The following UBXN7 variants were observed in gnomAD, a reference collection of about 807,000 sequenced individuals.
UBXN7 encodes UBX domain-containing protein 7.
UBXN7 carries 9 observed loss-of-function variants against 58.0 expected under a neutral mutation model. The ratio of observed to expected loss-of-function variants is 0.16; its 90% CI spans 0.09 to 0.27. The LOEUF is 0.27. UBXN7 is among the 10% of genes least tolerant of loss of function. The probability of loss-of-function intolerance (pLI) is 1.00; values close to 1 mark genes in which losing one functional copy is unlikely to be tolerated. For synonymous variants in UBXN7, 208 were observed against 205.0 expected, an observed-to-expected ratio of 1.01 and a Z score of -0.12; for missense variants, 328 against 599.6, an observed-to-expected ratio of 0.55 and a Z score of 4.73.
chr3:196,385,047 T>C (rs540460035), intron 5 of UBXN7, among the ~76,000 whole-genome samples: 104 of 152,354 alleles, frequency 6.8e-4, no homozygotes, highest in Middle Eastern at 3.4e-3. Flanking sequence ...CTCCCTCTGA[T>C]GCTGAGCCGA....
intron 5 of UBXN7, among the ~76,000 whole-genome samples, chr3:196,374,456 A>G (rs1728931273): frequency 6.6e-6 from 1 of 152,176 alleles, no homozygotes; most frequent in Non-Finnish European, 1.5e-5. Context: ...GGAGAAACCT[A>G]ATACTAGCAA....
intron 1 of UBXN7, among the ~76,000 whole-genome samples, chr3:196,407,927 G>A (rs920092783): frequency 4.0e-5 from 6 of 151,640 alleles, no homozygotes; most frequent in African/African-American, 7.3e-5. Context: ...GTGAAATGCC[G>A]TCTCTACTAA....
intron 3 of UBXN7, chr3:196,400,714 TG>T: frequency 2.7e-6 from 1 of 374,510 alleles, no homozygotes; most frequent in African/African-American, 2.2e-5. Context: ...CACTCCAGCC[TG>T]GGCAACAGAC....
chr3:196,419,496 A>AAT (rs1730614535), intron 1 of UBXN7, among the ~76,000 whole-genome samples: 1 of 152,162 alleles, frequency 6.6e-6, no homozygotes, highest in African/African-American at 2.4e-5. Flanking sequence ...AGCAAAGTAT[A>AAT]CCATCCACTT....
rs553097769 is a variant in UBXN7, at chr3:196,365,155, G to C, written c.835-2468C>G. 4.0e-5 allele frequency among the ~76,000 whole-genome samples: 6 copies of C among 150,408 alleles called. No individual in the cohort carries two copies. The South Asian group carries it at 1.1e-3, about 26-fold the overall frequency. Reference sequence around the variant, plus strand: ...TCTCTTGTAGCTAGAAAATAGTATTGAGCAATAGCAATTCTTATCGAAAAA... The same window carrying C: ...TCTCTTGTAGCTAGAAAATAGTATTCAGCAATAGCAATTCTTATCGAAAAA... On this transcript the variant is annotated intron_variant, in intron 8 of 10. Transcript: ENST00000296328.
intron 1 of UBXN7, among the ~76,000 whole-genome samples, chr3:196,416,931 G>C (rs1225750841): frequency 2.0e-5 from 3 of 152,144 alleles, no homozygotes. Context: ...TTTGGGGAGA[G>C]GTAAGAAAGG....
At chr3:196,358,956 T>C (rs999743230) in intron 10 of UBXN7, among the ~76,000 whole-genome samples, 3 of 152,018 alleles carry the variant, frequency 2.0e-5, no homozygotes, top group African/African-American at 7.2e-5. Context: ...CCACTGCACC[T>C]GGCCTCCCAC....
At chr3:196,392,014 T>C (rs1227017436) in intron 4 of UBXN7, 89 bp from the exon 5 acceptor site, 3 of 758,150 alleles carry the variant, frequency 4.0e-6, no homozygotes, top group African/African-American at 3.7e-5. Context: ...CTTCTGTCAA[T>C]TGAAGGAATT....
At chr3:196,421,547 G>A (rs1216236529) in intron 1 of UBXN7, among the ~76,000 whole-genome samples, 1 of 151,676 alleles carries the variant, frequency 6.6e-6, no homozygotes. Flanking sequence ...TGAGGCAGGT[G>A]GATTACAAGG....
intron 1 of UBXN7, among the ~76,000 whole-genome samples, chr3:196,418,313 G>A (rs1021258976): frequency 6.6e-6 from 1 of 151,840 alleles, no homozygotes; most frequent in Admixed American, 6.6e-5. Context: ...ACGGAATGAC[G>A]GACAGATAGT....
intron 3 of UBXN7, among the ~76,000 whole-genome samples, chr3:196,393,971 T>C (rs570822322): frequency 4.6e-5 from 7 of 152,298 alleles, no homozygotes; most frequent in African/African-American, 1.4e-4. Flanking sequence ...CCAGTTACAA[T>C]AGACTTAATC....
chr3:196,413,861 T>C (rs1577473245), intron 1 of UBXN7, among the ~76,000 whole-genome samples: 1 of 152,162 alleles, frequency 6.6e-6, no homozygotes, highest in East Asian at 1.9e-4. Context: ...ATACTTTAAA[T>C]CATCTCTAGA....
chr3:196,375,040 A>AAGGAAGGAAGGAAGTAAGGG (rs1356697769), intron 5 of UBXN7, among the ~76,000 whole-genome samples: 1 of 135,298 alleles, frequency 7.4e-6, no homozygotes, highest in Non-Finnish European at 1.6e-5. Flanking sequence ...GGAAGGAAGG[A>AAGGAAGGAAGGAAGTAAGGG]AGGGAAAGGA....
At chr3:196,371,179 A>G (rs1577439084) in intron 6 of UBXN7, among the ~76,000 whole-genome samples, 1 of 152,298 alleles carries the variant, frequency 6.6e-6, no homozygotes, top group East Asian at 1.9e-4. Flanking sequence ...GATCTTCTAT[A>G]CCTGCACTGT....
intron 8 of UBXN7, among the ~76,000 whole-genome samples, chr3:196,363,205 T>C (rs976014110): frequency 9.5e-5 from 3 of 31,524 alleles, no homozygotes; most frequent in South Asian, 8.9e-4. Context: ...ACCTGGCACA[T>C]ACATACATAC....
At chr3:196,411,529 T>C (rs936177694) in intron 1 of UBXN7, among the ~76,000 whole-genome samples, 1 of 152,166 alleles carries the variant, frequency 6.6e-6, no homozygotes, top group African/African-American at 2.4e-5. Flanking sequence ...AACTAGCAGA[T>C]GGCCGAGCAC....
At chr3:196,377,637 C>T (rs952575394) in intron 5 of UBXN7, among the ~76,000 whole-genome samples, 2 of 151,886 alleles carry the variant, frequency 1.3e-5, no homozygotes, top group Admixed American at 1.3e-4. Flanking sequence ...AATACAGCCC[C>T]CCTCTCTCCT....
intron 5 of UBXN7, among the ~76,000 whole-genome samples, chr3:196,390,113 G>A (rs1036219828): frequency 6.6e-6 from 1 of 151,940 alleles, no homozygotes; most frequent in Non-Finnish European, 1.5e-5. Flanking sequence ...TACTTATTTG[G>A]GAGGTTAAGA....
chr3:196,432,068 G>A (rs968936953), intron 1 of UBXN7: 26 of 609,102 alleles, frequency 4.3e-5, no homozygotes, highest in Non-Finnish European at 6.2e-5. Flanking sequence ...CCATTCCCAG[G>A]TCTGGGCTGG....
Sources: gnomAD v4.1 joint callset for allele counts (sites outside exome capture counted in the v4.1 genomes callset) on GRCh38, gnomAD v4.1.1 for gene constraint, MANE v1.5 for transcripts, NCBI Gene and HGNC (gene_info 2026-07-23, HGNC 2026-07-21) for gene names.